GMDS: variants seen among roughly 807,000 people sequenced by gnomAD.
GMDS encodes GDP-mannose 4,6-dehydratase.
A neutral mutation model predicts 49.9 loss-of-function variants in GMDS; 20 were observed. The observed-to-expected ratio is 0.40, with a 90% CI of 0.28 to 0.58. The LOEUF is 0.58. Ranked by LOEUF, GMDS falls within the 20% of genes least tolerant of loss-of-function variation. The probability of loss-of-function intolerance (pLI) is 0.42; values close to 1 mark genes in which losing one functional copy is unlikely to be tolerated. For synonymous variants in GMDS, 177 were observed against 178.6 expected (o/e 0.99, Z 0.07); for missense variants, 362 against 481.4 (o/e 0.75, Z 2.32).
intron 4 of GMDS, among the ~76,000 whole-genome samples, chr6:1,975,320 A>C (rs1456688123): frequency 1.3e-5 from 2 of 152,212 alleles, no homozygotes; most frequent in Non-Finnish European, 2.9e-5. Flanking sequence ...CTAGACTGTC[A>C]TAGGCCTTGA....
intron 4 of GMDS, among the ~76,000 whole-genome samples, chr6:2,079,019 CTTTTTTT>C (rs386405902): frequency 0.13 from 4,509 of 34,102 alleles, 212 homozygotes; most frequent in African/African-American, 0.3. Flanking sequence ...ATGACCTTGT[CTTTTTTT>C]TTTTTTTTTT....
At chr6:2,142,611 C>T (rs1050774752) in intron 1 of GMDS, among the ~76,000 whole-genome samples, 1 of 152,100 alleles carries the variant, frequency 6.6e-6, no homozygotes, top group African/African-American at 2.4e-5. Context: ...CCTGACAACA[C>T]CTTGATCATG....
chr6:2,136,080 C>A (rs1360990951), intron 1 of GMDS, among the ~76,000 whole-genome samples: 1 of 151,768 alleles, frequency 6.6e-6, no homozygotes, highest in Non-Finnish European at 1.5e-5. Flanking sequence ...AACTGTCGCA[C>A]TATTGTAAGT....
rs770732090 is a variant in GMDS at position 1,742,440 on chromosome 6, C to T, written c.890+28G>A. The T allele has an allele frequency of 2.4e-6, 3 of 1,274,414 alleles. No individual in the cohort carries two copies. In the East Asian group the frequency reaches 7.0e-5, roughly 30 times the overall value. 78.9% of individuals were successfully genotyped at this position (1,274,414 alleles called of 1,614,324 possible). On this transcript the variant is annotated intron_variant, in intron 8 of 10. Transcript: ENST00000380815. ...CAGGTGCATACCTGCCAGAGAGCTA[C>T]AAGTAGTCATTTCTCAGGTATACTT...
chr6:1,928,970 AAAATAAAT>A (rs36003101), intron 7 of GMDS, among the ~76,000 whole-genome samples: 94 of 148,128 alleles, frequency 6.3e-4, no homozygotes, highest in African/African-American at 2.0e-3. Context: ...CTCTGTCTCA[AAAATAAAT>A]AAATAAATAA....
At chr6:2,181,230 C>A (rs1434150818) in intron 1 of GMDS, among the ~76,000 whole-genome samples, 1 of 149,214 alleles carries the variant, frequency 6.7e-6, no homozygotes, top group African/African-American at 2.5e-5. Flanking sequence ...TAACAGAATT[C>A]ATTAAAAAGG....
chr6:2,043,631 A>G (rs1222271823), intron 4 of GMDS, among the ~76,000 whole-genome samples: 1 of 152,250 alleles, frequency 6.6e-6, no homozygotes, highest in Non-Finnish European at 1.5e-5. Context: ...TGGCTATTAT[A>G]AAATTTGAAA....
chr6:2,236,773 C>G (rs751902965), intron 1 of GMDS, among the ~76,000 whole-genome samples: 2 of 152,120 alleles, frequency 1.3e-5, no homozygotes, highest in African/African-American at 4.8e-5. Flanking sequence ...CAATTAGAGG[C>G]TTTTTCACTC....
chr6:2,165,977 GA>G (rs1258239250), intron 1 of GMDS, among the ~76,000 whole-genome samples: 2 of 152,032 alleles, frequency 1.3e-5, no homozygotes, highest in Admixed American at 1.3e-4. Flanking sequence ...AATATTAGAA[GA>G]AATCATCTGA....
rs144665163 is a variant in GMDS, at chr6:2,031,572, T to C, written c.346-70606A>G. Among the ~76,000 whole-genome samples the C allele has an allele frequency of 9.6e-3, 1,463 of 152,024 alleles. 81 individuals are homozygous for C. Among genetic ancestry groups the C allele is most frequent in the Admixed American group, 0.084 (1,278 of 15,252 alleles). On this transcript the variant is annotated intron_variant, in intron 4 of 10. Coordinates refer to ENST00000380815, the MANE Select transcript of GMDS (RefSeq NM_001500.4). ...CAATCTGAGATAGGGTGACCAGAGA[T>C]GGTCTCACTGAAAATGTGATATTTG... is the stretch of plus-strand genomic sequence containing the variant.
rs370585779 is a variant in GMDS, at chr6:1,766,589, C to T, written c.772-24003G>A. ...CGGGAGGAGGGTCTAAGGTGGGCCT[C>T]GCTACTCCAGTGCCTCCGGAGCCCA... On this transcript the variant is annotated intron_variant, in intron 7 of 10. Transcript: ENST00000380815. This position sits in a 1 kb window ranked among gnomAD's most constrained non-coding sequence, Gnocchi z 4.5. Among the ~76,000 whole-genome samples the T allele has an allele frequency of 1.2e-4, 18 of 152,076 alleles. No individual in the cohort carries two copies. The highest frequency in any genetic ancestry group is 1.5e-4 in the Non-Finnish European group (10 of 68,024).
intron 6 of GMDS, among the ~76,000 whole-genome samples, chr6:1,950,805 G>A (rs1433531362): frequency 6.6e-6 from 1 of 152,156 alleles, no homozygotes. Flanking sequence ...TGACATCCTA[G>A]GGCAGAGTTT....
At chr6:1,966,393 C>T (rs962953866) in intron 4 of GMDS, among the ~76,000 whole-genome samples, 2 of 151,796 alleles carry the variant, frequency 1.3e-5, no homozygotes, top group African/African-American at 4.8e-5. Flanking sequence ...AAAACCAAGC[C>T]TACAAAATAC....
chr6:2,160,868 G>A (rs1777364768), intron 1 of GMDS, among the ~76,000 whole-genome samples: 1 of 152,142 alleles, frequency 6.6e-6, no homozygotes, highest in African/African-American at 2.4e-5. Flanking sequence ...TCAATTTACT[G>A]AATGAGCACA....
intron 9 of GMDS, among the ~76,000 whole-genome samples, chr6:1,715,658 T>C (rs1385751244): frequency 6.6e-6 from 1 of 152,206 alleles, no homozygotes. Context: ...ATCGTTATGT[T>C]GTAGCAGGAA....
At chr6:2,014,385 T>C (rs989027147) in intron 4 of GMDS, among the ~76,000 whole-genome samples, 6 of 152,056 alleles carry the variant, frequency 3.9e-5, no homozygotes, top group African/African-American at 7.2e-5. Context: ...TGGGTGATTA[T>C]AGTATATGGA....
chr6:1,877,225 A>G (rs1284063185), intron 7 of GMDS, among the ~76,000 whole-genome samples: 1 of 152,172 alleles, frequency 6.6e-6, no homozygotes, highest in Non-Finnish European at 1.5e-5. Flanking sequence ...GGTGGAAAAT[A>G]TAAAAGAGGC....
At chr6:1,677,134 C>T (rs1764650773) in intron 9 of GMDS, among the ~76,000 whole-genome samples, 1 of 152,216 alleles carries the variant, frequency 6.6e-6, no homozygotes, top group Non-Finnish European at 1.5e-5. Flanking sequence ...CGAACAGACA[C>T]TTCTCAAAAG....
At chr6:1,687,056 T>TC (rs1427418025) in intron 9 of GMDS, among the ~76,000 whole-genome samples, 1 of 152,172 alleles carries the variant, frequency 6.6e-6, no homozygotes, top group Non-Finnish European at 1.5e-5. Flanking sequence ...GGACTGGAAC[T>TC]CCATCCTCAG....
Sources: gnomAD v4.1 joint callset for allele counts (sites outside exome capture counted in the v4.1 genomes callset) on GRCh38, gnomAD v4.1.1 for gene constraint, Gnocchi (gnomAD v3.1) non-coding constraint, MANE v1.5 for transcripts, NCBI Gene and HGNC (gene_info 2026-07-23, HGNC 2026-07-21) for gene names.